LYST: variants seen among roughly 807,000 people sequenced by gnomAD.
LYST encodes the protein lysosomal trafficking regulator.
In LYST, 192 loss-of-function variants were observed where a neutral mutation model predicts 413.6. The ratio of observed to expected loss-of-function variants is 0.46; its 90% confidence interval spans 0.41 to 0.52. The LOEUF is 0.52. Among genes scored for constraint, LYST ranks in the 20% least tolerant of loss-of-function variants. The pLI is 0.00. For missense variants in LYST, 3,815 were observed against 4,499.9 expected (o/e 0.85, Z 4.35); for synonymous variants, 1,525 against 1,567.3 (o/e 0.97, Z 0.64).
chr1:235,856,939 GATTT>G (rs756604740), intron 1 of LYST, among the ~76,000 whole-genome samples: 1,683 of 128,214 alleles, frequency 0.013, 38 homozygotes, highest in African/African-American at 0.052. Flanking sequence ...AGGATATACT[GATTT>G]TTTTTTTTTT....
At chr1:235,754,150 A>C (rs1385185170) in intron 25 of LYST, among the ~76,000 whole-genome samples, 1 of 151,526 alleles carries the variant, frequency 6.6e-6, no homozygotes, top group Non-Finnish European at 1.5e-5. Flanking sequence ...GGCTCTGAGG[A>C]GAGTAAGGCG....
At chr1:235,728,279 T>A (rs1017727302) in intron 37 of LYST, 148 bp from the exon 38 acceptor site, 1 of 652,100 alleles carries the variant, frequency 1.5e-6, no homozygotes, top group Non-Finnish European at 2.8e-6. Flanking sequence ...TATTTTTGAA[T>A]AGTATCCATG....
chr1:235,870,605 T>C (rs12048124), upstream of LYST, among the ~76,000 whole-genome samples: 45,636 of 152,142 alleles, frequency 0.3, 8,897 homozygotes, highest in East Asian at 0.8. Flanking sequence ...GTGTAACCTG[T>C]AACTCTAAAC....
chr1:235,753,356 C>A, intron 25 of LYST, 82 bp from the exon 26 acceptor site: 1 of 876,656 alleles, frequency 1.1e-6, no homozygotes, highest in Non-Finnish European at 1.9e-6. Flanking sequence ...GGTCATCTTG[C>A]TAACTTGATT....
chr1:235,862,647 T>C (rs897428549), intron 1 of LYST, among the ~76,000 whole-genome samples: 1 of 151,948 alleles, frequency 6.6e-6, no homozygotes, highest in African/African-American at 2.4e-5. Flanking sequence ...ATTACAAAAA[T>C]TAGCCGGGCA....
intron 44 of LYST, among the ~76,000 whole-genome samples, chr1:235,708,534 T>C (rs7524133): frequency 6.6e-6 from 1 of 152,156 alleles, no homozygotes; most frequent in Non-Finnish European, 1.5e-5. Context: ...GTACAAACAA[T>C]GCAGTTTATA....
At chr1:235,699,274 T>C (rs55658129) in intron 45 of LYST, among the ~76,000 whole-genome samples, 8,067 of 152,090 alleles carry the variant, frequency 0.053, 732 homozygotes, top group African/African-American at 0.18. Flanking sequence ...GGTGTGTTTT[T>C]CCCCTCCCTG....
In LYST at chr1:235,817,503, G is replaced by A. The variant is rs913369816; in HGVS notation, c.193-4442C>T. 2.6e-5 allele frequency among the ~76,000 whole-genome samples: 4 copies of A among 152,120 alleles called. No homozygotes were observed. In the South Asian group the frequency reaches 6.2e-4, roughly 24 times the overall value. On this transcript the variant is annotated intron_variant, in intron 3 of 52. Coordinates refer to ENST00000389793, the MANE Select transcript of LYST (RefSeq NM_000081.4). ...CGGTAGACTGGATAAAGAAAATGTG[G>A]CACATATACATCATGAAATACTGTG... is the stretch of plus-strand genomic sequence containing the variant.
At chr1:235,821,241 A>C (rs2102952161) in intron 3 of LYST, among the ~76,000 whole-genome samples, 2 of 152,328 alleles carry the variant, frequency 1.3e-5, no homozygotes, top group African/African-American at 4.8e-5. Context: ...GCTTGAAAAC[A>C]GTCTGGGCAA....
chr1:235,874,385 C>A (rs1681053700), intron 1 of LYST, among the ~76,000 whole-genome samples: 1 of 152,112 alleles, frequency 6.6e-6, no homozygotes, highest in Admixed American at 6.5e-5. Context: ...CAACTATAGT[C>A]GAGGGAGATG....
intron 31 of LYST, among the ~76,000 whole-genome samples, chr1:235,741,129 A>G (rs969107972): frequency 5.3e-5 from 8 of 152,208 alleles, no homozygotes; most frequent in Non-Finnish European, 8.8e-5. Flanking sequence ...CCTCCAAACA[A>G]TCCTTAAATA....
intron 1 of LYST, among the ~76,000 whole-genome samples, chr1:235,865,056 C>G (rs1479114040): frequency 6.6e-6 from 1 of 152,192 alleles, no homozygotes; most frequent in African/African-American, 2.4e-5. Context: ...CCACACTCAC[C>G]TCTTTGACTT....
rs1226935255 is a variant in LYST, at chr1:235,809,364, T to G, written c.1454A>C (p.Lys485Thr). The change falls in exon 5 of 53, where the codon AAA (lysine) becomes ACA (threonine). Residue 485 changes from lysine (K) to threonine (T), a missense_variant. Lys to Thr is a moderately conservative substitution (Grantham distance 78, BLOSUM62 -1). Transcript: ENST00000389793. This position sits in a 1 kb window ranked among gnomAD's most constrained non-coding sequence, Gnocchi z 4.0. Reference protein sequence around the residue: ...SVMKIMSTVKKVKSEQLHHSM... With the variant: ...SVMKIMSTVKTVKSEQLHHSM... The stretch of plus-strand genomic sequence containing the variant: ...ATGATGAAGTTGCTCTGATTTCACT[T>G]TTTTGACAGTGCTCATTATTTTCAT... The G allele has an allele frequency of 2.5e-6, 4 of 1,613,890 alleles. No individual in the cohort carries two copies. In the African/African-American group the frequency reaches 5.3e-5, roughly 22 times the overall value.
At position 235,809,143 on chromosome 1, in the gene LYST, G is replaced by A. The variant is rs771677157; in HGVS notation, c.1675C>T (p.Arg559Cys). ...CTCAAGGAAGCCTGCTGTAGTAAGC[G>A]CAAGCACTGATGGGCACACACTGCA... Reference protein sequence around the residue: ...CIAVCAHQCLRLLQQASLSST... With the variant: ...CIAVCAHQCLCLLQQASLSST... Residue 559 changes from arginine (R) to cysteine (C), a missense_variant, in exon 5 of 53, where the codon CGC becomes TGC. This residue lies in a region of LYST where 1,648 missense variants were observed against 1,810.3 expected (regional missense o/e 0.91). Transcript: ENST00000389793. The surrounding 1 kb of genome is among the most constrained non-coding windows in gnomAD (Gnocchi z 4.0). The A allele has an allele frequency of 2.0e-5, 32 of 1,613,912 alleles. No individual in the cohort carries two copies. The highest frequency in any genetic ancestry group is 1.6e-4 in the Middle Eastern group (1 of 6,084).
At chr1:235,827,765 T>C in intron 3 of LYST, 1 of 937,532 alleles carries the variant, frequency 1.1e-6, no homozygotes, top group Non-Finnish European at 1.3e-6. Flanking sequence ...AAAAAAATAT[T>C]TAACTTATGA....
At chr1:235,709,422 A>C (rs1041485635) in intron 43 of LYST, 114 bp from the exon 44 acceptor site, 4 of 799,684 alleles carry the variant, frequency 5.0e-6, no homozygotes, top group South Asian at 1.5e-5. Context: ...CAACCAAAAA[A>C]GGGAATAGCA....
rs368740409 is a variant in LYST, at chr1:235,712,178, T to C, written c.9804A>G (p.Pro3268=). ...LAYQDQSFDI[P]DRTFHSTNTT... ...TATTTGTAGAATGAAAAGTTCTGTC[T>C]GGAATGTCAAAACTTTGATCTATAA... is the stretch of plus-strand genomic sequence containing the variant. The change falls in exon 43 of 53, where the codon CCA becomes CCG. Residue 3268 remains proline, a synonymous_variant. Transcript: ENST00000389793. The C allele has an allele frequency of 5.9e-5, 93 of 1,584,772 alleles. No individual in the cohort carries two copies. The highest frequency in any genetic ancestry group is 7.7e-5 in the Non-Finnish European group (89 of 1,161,482).
At chr1:235,879,687 T>C (rs556426768) in intron 1 of LYST, among the ~76,000 whole-genome samples, 22 of 152,332 alleles carry the variant, frequency 1.4e-4, no homozygotes, top group Non-Finnish European at 2.8e-4. Flanking sequence ...CAGAGAAATA[T>C]GGAACTATAA....
chr1:235,810,191 T>C lies in LYST; in HGVS notation c.627A>G (p.Ala209=). 1 of 1,614,138 alleles carries C rather than the reference T, an allele frequency of 6.2e-7. No individual in the cohort carries two copies. The highest frequency in any genetic ancestry group is 8.5e-7 in the Non-Finnish European group (1 of 1,179,988). ...CATCTGGAGGAGTCTGTTCTTTGGT[T>C]GCTAAGCGGTCAAGTTTAGCTTTGG... ...DHPKAKLDRL[A]TKEQTPPDAM... The change falls in exon 5 of 53, where the codon GCA becomes GCG. Residue 209 remains alanine (A), a synonymous_variant. Transcript: ENST00000389793.
Sources: allele counts gnomAD v4.1 joint callset (sites outside exome capture counted in the v4.1 genomes callset), GRCh38; gene constraint gnomAD v4.1.1; regional missense constraint gnomAD v4.1.1; non-coding constraint Gnocchi (gnomAD v3.1); transcripts MANE v1.5; gene names NCBI Gene and HGNC (gene_info 2026-07-23, HGNC 2026-07-21).